GNPDA1: variants seen among roughly 807,000 people sequenced by gnomAD.
GNPDA1 encodes the protein GNPDA 1.
A neutral mutation model predicts 28.5 loss-of-function variants in GNPDA1; 24 were observed. The ratio of observed to expected loss-of-function variants is 0.84; its 90% CI spans 0.61 to 1.19. The LOEUF is 1.19. Ranked by LOEUF, GNPDA1 falls within the 50% of genes most tolerant of loss-of-function variation. GNPDA1 has a pLI of 0.00. For synonymous variants in GNPDA1, 147 were observed against 139.3 expected, an observed-to-expected ratio of 1.06 and a Z score of -0.39; for missense variants, 264 against 367.3, an observed-to-expected ratio of 0.72 and a Z score of 2.30.
At chr5:142,002,987 G>A (rs769521437) in intron 6 of GNPDA1, 101 bp downstream of exon 6, 1 of 894,252 alleles carries the variant, frequency 1.1e-6, no homozygotes. Context: ...TAAGATTACA[G>A]TTGTCAATTA....
intron 4 of GNPDA1, 95 bp from the exon 5 acceptor site, chr5:142,005,211 A>G: frequency 1.0e-6 from 1 of 952,614 alleles, no homozygotes; most frequent in Non-Finnish European, 1.6e-6. Context: ...GTCTGAAGAA[A>G]AATCATTGAA....
intron 3 of GNPDA1, 121 bp from the exon 4 acceptor site, chr5:142,006,447 C>A: frequency 4.3e-6 from 3 of 691,272 alleles, no homozygotes; most frequent in South Asian, 1.8e-5. Context: ...CATCTGGGAG[C>A]CTTAGGCACC....
At chr5:142,006,821 CTTT>C (rs76438387) in intron 3 of GNPDA1, among the ~76,000 whole-genome samples, 1 of 144,350 alleles carries the variant, frequency 6.9e-6, no homozygotes, top group Admixed American at 6.9e-5. Flanking sequence ...CCCAGATCAA[CTTT>C]TTTTTTTTTG....
In GNPDA1 at chr5:142,008,828, C is replaced by T. The variant is rs1344157409; in HGVS notation, c.125-928G>A. Among the ~76,000 whole-genome samples the T allele has an allele frequency of 2.0e-5, 3 of 151,810 alleles. No individual in the cohort carries two copies. In the East Asian group the frequency reaches 5.8e-4, roughly 29 times the overall value. On this transcript the variant is annotated intron_variant, in intron 2 of 6. Transcript: ENST00000311337. ...AAGATGCATGAACCCTGACTGGACA[C>T]TGAATTAATTTTTTAAAAACCAACC... is the stretch of plus-strand genomic sequence containing the variant.
rs1248682146 is a variant in GNPDA1, at chr5:142,005,248, C to T, written c.410-132G>A. ...GCTGTGTCACCTTTCTCATTTGCAG[C>T]CCTGGGCAGGTACACCTTAAACATG... is the stretch of plus-strand genomic sequence containing the variant. On this transcript the variant is annotated intron_variant, in intron 4 of 6. Coordinates refer to ENST00000311337, the MANE Select transcript of GNPDA1 (RefSeq NM_005471.5). 7 of 670,336 alleles carry T rather than the reference C, an allele frequency of 1.0e-5. No homozygotes were observed. The Admixed American group carries it at 1.1e-4, about 11-fold the overall frequency. The allele number at this position is 670,336 out of a possible 1,614,324, so 41.5% of individuals were successfully genotyped here.
chr5:142,011,759 C>G, intron 2 of GNPDA1, 153 bp downstream of exon 2: 2 of 741,182 alleles, frequency 2.7e-6, no homozygotes, highest in Middle Eastern at 2.9e-4. Flanking sequence ...AAGCTGGGTC[C>G]TTTGTATGTG....
At chr5:142,006,984 AC>A (rs1755821445) in intron 3 of GNPDA1, among the ~76,000 whole-genome samples, 1 of 152,154 alleles carries the variant, frequency 6.6e-6, no homozygotes, top group African/African-American at 2.4e-5. Context: ...AAAGACAAAT[AC>A]TTTATGATTC....
chr5:142,007,961 T>C (rs1327248916), intron 2 of GNPDA1, 61 bp from the exon 3 acceptor site: 6 of 890,892 alleles, frequency 6.7e-6, no homozygotes, highest in South Asian at 2.7e-5. Flanking sequence ...GCCCAGAGGG[T>C]TCACAGGAAT....
At chr5:142,011,811 G>C in intron 2 of GNPDA1, 101 bp downstream of exon 2, 1 of 1,339,152 alleles carries the variant, frequency 7.5e-7, no homozygotes, top group South Asian at 1.2e-5. Context: ...GTACCCCAGA[G>C]CCCCCGTGAA....
Position 142,001,777 on chromosome 5 carries a change from C to A in GNPDA1, c.*252G>T, listed in dbSNP as rs1008168733. The A allele has an allele frequency of 9.1e-6, 3 of 328,332 alleles. No homozygotes were observed. The highest frequency in any genetic ancestry group is 4.8e-5 in the Admixed American group (1 of 20,868). The allele number at this position is 328,332 out of a possible 1,614,324, so 20.3% of individuals were successfully genotyped here. On this transcript the variant is annotated 3_prime_UTR_variant, in exon 7 of 7. Coordinates refer to ENST00000311337, the MANE Select transcript of GNPDA1 (RefSeq NM_005471.5). Reference sequence around the variant, plus strand: ...AGAACAAAAAGTTTAAAACTCCCAACCTGGGTTTGGCAGACATCAAAATGA... The same window carrying A: ...AGAACAAAAAGTTTAAAACTCCCAAACTGGGTTTGGCAGACATCAAAATGA...
At chr5:142,007,102 C>T (rs1425615779) in intron 3 of GNPDA1, among the ~76,000 whole-genome samples, 3 of 152,084 alleles carry the variant, frequency 2.0e-5, no homozygotes, top group Non-Finnish European at 4.4e-5. Flanking sequence ...GTTGTTGTTT[C>T]ACGGGTATAG....
At chr5:142,008,357 A>G (rs960564414) in intron 2 of GNPDA1, among the ~76,000 whole-genome samples, 2 of 152,258 alleles carry the variant, frequency 1.3e-5, no homozygotes, top group African/African-American at 4.8e-5. Context: ...GGTAAAGCAC[A>G]GGCTCACCCA....
At chr5:142,012,063 G>A (rs1331275470) in intron 1 of GNPDA1, 22 bp from the exon 2 acceptor site, 2 of 1,574,958 alleles carry the variant, frequency 1.3e-6, no homozygotes, top group East Asian at 2.3e-5. Flanking sequence ...GAGAGGGGAT[G>A]ACAGAAAGGA....
Position 142,010,443 on chromosome 5 carries a change from G to A in GNPDA1, c.124+1469C>T, listed in dbSNP as rs747322078. The stretch of plus-strand genomic sequence containing the variant: ...CAAAGTGCTGGGATTACAGGCGTGA[G>A]CCACCACACCCGGCCCTGTGGCCTG... On this transcript the variant is annotated intron_variant, in intron 2 of 6. Coordinates refer to ENST00000311337, the MANE Select transcript of GNPDA1 (RefSeq NM_005471.5). Among the ~76,000 whole-genome samples the A allele has an allele frequency of 9.1e-4, 138 of 151,914 alleles. 3 individuals carry two copies. Among genetic ancestry groups the A allele is most frequent in the Admixed American group, 1.9e-3 (29 of 15,264 alleles).
In GNPDA1 at chr5:142,004,986, C is replaced by G; in HGVS notation, c.540G>C (p.Lys180Asn). The change falls in exon 5 of 7, where the codon AAG (lysine) becomes AAC (asparagine). Residue 180 changes from lysine (K) to asparagine (N), a missense_variant. By Grantham distance (94) the Lys-to-Asn change is moderately conservative (BLOSUM62 0). Transcript: ENST00000311337. ...NARFFDGELTKVPTMALTVGV... is the reference protein window; with the variant it reads ...NARFFDGELTNVPTMALTVGV... ...CCACCGTCAAGGCCATGGTGGGCAC[C>G]TTGGTGAGTTCTCCATCGAAGAACC... 6.2e-7 allele frequency: 1 copy of G among 1,613,378 alleles called. No individual in the cohort carries two copies. The highest frequency in any genetic ancestry group is 1.3e-5 in the African/African-American group (1 of 75,032).
At chr5:142,005,962 A>G in intron 4 of GNPDA1, 182 bp downstream of exon 4, 1 of 544,106 alleles carries the variant, frequency 1.8e-6, no homozygotes, top group Non-Finnish European at 3.3e-6. Flanking sequence ...AAACTGCAGA[A>G]AGAGATCTCC....
chr5:142,002,237 C>A, intron 6 of GNPDA1, 108 bp from the exon 7 acceptor site: 1 of 622,282 alleles, frequency 1.6e-6, no homozygotes, highest in Non-Finnish European at 2.8e-6. Context: ...AGAGCTGACA[C>A]TTCTCTCTTT....
Position 142,010,050 on chromosome 5 carries a change from C to T in GNPDA1, c.124+1862G>A, listed in dbSNP as rs564486390. Reference sequence around the variant, plus strand: ...GGAGACAGGATGTTAGCACAGCCTCCGAGGGCCTGAGACATTGGTAGTTTC... The same window carrying T: ...GGAGACAGGATGTTAGCACAGCCTCTGAGGGCCTGAGACATTGGTAGTTTC... On this transcript the variant is annotated intron_variant, in intron 2 of 6. Coordinates refer to ENST00000311337, the MANE Select transcript of GNPDA1 (RefSeq NM_005471.5). Among the ~76,000 whole-genome samples the T allele has an allele frequency of 5.9e-5, 9 of 152,318 alleles. No homozygotes were observed. In the South Asian group the frequency reaches 1.0e-3, roughly 18 times the overall value.
chr5:142,006,425 CA>C (rs1755807000), intron 3 of GNPDA1, 99 bp from the exon 4 acceptor site: 1 of 869,420 alleles, frequency 1.2e-6, no homozygotes. Flanking sequence ...GAGACACTCC[CA>C]GGGGTCTGCC....
Sources: gnomAD v4.1 joint callset for allele counts (sites outside exome capture counted in the v4.1 genomes callset) on GRCh38, gnomAD v4.1.1 for gene constraint, MANE v1.5 for transcripts, NCBI Gene and HGNC (gene_info 2026-07-23, HGNC 2026-07-21) for gene names.